Variants in PPIL4 observed in about 807,000 individuals in gnomAD.
PPIL4 encodes peptidyl-prolyl cis-trans isomerase-like 4.
In PPIL4, 50 loss-of-function variants were observed where a neutral mutation model predicts 69.1. The ratio of observed to expected loss-of-function variants is 0.72; its 90% confidence interval spans 0.58 to 0.92. The LOEUF (loss-of-function observed/expected upper bound fraction) is 0.92, where lower values mean the gene tolerates loss of function less well. PPIL4 is among the 40% of genes least tolerant of loss of function. The pLI, the probability that PPIL4 is intolerant of heterozygous loss-of-function variation, is 0.00. For synonymous variants in PPIL4, 193 were observed against 191.6 expected (o/e 1.01, Z -0.06); for missense variants, 480 against 587.9 (o/e 0.82, Z 1.90).
chr6:149,544,901 C>T (rs1229695897), intron 1 of PPIL4, among the ~76,000 whole-genome samples: 1 of 152,128 alleles, frequency 6.6e-6, no homozygotes, highest in Non-Finnish European at 1.5e-5. Context: ...CTCTGCATTC[C>T]ATGTGGGTAG....
At chr6:149,539,385 T>C (rs74617598) in intron 4 of PPIL4, among the ~76,000 whole-genome samples, 4,652 of 151,554 alleles carry the variant, frequency 0.031, 115 homozygotes, top group Non-Finnish European at 0.043. Context: ...TGTTGTCTTA[T>C]TTATTTATTT....
intron 1 of PPIL4, among the ~76,000 whole-genome samples, chr6:149,541,800 A>C (rs1157214925): frequency 6.6e-6 from 1 of 152,204 alleles, no homozygotes; most frequent in Non-Finnish European, 1.5e-5. Flanking sequence ...ACTTGAAGTC[A>C]GGAGTTTGAG....
At chr6:149,543,190 G>A (rs1461684649) in intron 1 of PPIL4, among the ~76,000 whole-genome samples, 1 of 152,118 alleles carries the variant, frequency 6.6e-6, no homozygotes, top group Non-Finnish European at 1.5e-5. Flanking sequence ...ATGTGATGCA[G>A]CTGAAAGTAC....
chr6:149,521,812 T>C (rs1051040861), intron 9 of PPIL4, among the ~76,000 whole-genome samples: 5 of 152,228 alleles, frequency 3.3e-5, no homozygotes, highest in African/African-American at 9.6e-5. Context: ...GGGTTTTAGA[T>C]AATGAACTGT....
chr6:149,536,291 C>G (rs925970409), intron 4 of PPIL4, among the ~76,000 whole-genome samples: 2 of 152,054 alleles, frequency 1.3e-5, no homozygotes. Context: ...ATTAACCCTA[C>G]AAGAGACTCT....
intron 9 of PPIL4, among the ~76,000 whole-genome samples, chr6:149,524,043 A>G (rs1344733179): frequency 6.6e-6 from 1 of 152,230 alleles, no homozygotes; most frequent in African/African-American, 2.4e-5. Flanking sequence ...TATTCCATAA[A>G]TGCTTTGTAA....
At chr6:149,522,546 G>C (rs139127587) in intron 9 of PPIL4, among the ~76,000 whole-genome samples, 5 of 152,220 alleles carry the variant, frequency 3.3e-5, no homozygotes, top group African/African-American at 1.2e-4. Flanking sequence ...CAGAGCTGTG[G>C]GGCAGGACAA....
At chr6:149,534,990 G>A (rs1777253169) in intron 5 of PPIL4, among the ~76,000 whole-genome samples, 1 of 152,150 alleles carries the variant, frequency 6.6e-6, no homozygotes, top group South Asian at 2.1e-4. Context: ...ACTTTAAGAT[G>A]TAAACTAATA....
intron 6 of PPIL4, 49 bp from the exon 7 acceptor site, chr6:149,533,623 C>G: frequency 9.5e-7 from 1 of 1,058,052 alleles, no homozygotes. Flanking sequence ...ATAAAAAAAT[C>G]TGAGAAACAT....
intron 11 of PPIL4, among the ~76,000 whole-genome samples, chr6:149,515,557 C>T (rs907233443): frequency 5.3e-5 from 8 of 152,116 alleles, no homozygotes; most frequent in African/African-American, 1.9e-4. Flanking sequence ...TATTTAATGT[C>T]TGGTTTTTTT....
In PPIL4 at chr6:149,505,612, G is replaced by C; in HGVS notation, c.1320C>G (p.Asn440Lys). Reference sequence around the variant, plus strand: ...TCTCTCGAGATCGGCTACGACTTCGGTTCTGAGTTCGGTCTCTCTTTTCAC... The same window carrying C: ...TCTCTCGAGATCGGCTACGACTTCGCTTCTGAGTTCGGTCTCTCTTTTCAC... ...QKSEKRDRTQ[N>K]RSRSRSRERD... The change falls in exon 13 of 13, where the codon AAC becomes AAG. Residue 440 changes from asparagine to lysine, a missense_variant. Physicochemically the swap from Asn to Lys is moderately conservative, Grantham distance 94. Transcript: ENST00000253329. The C allele has an allele frequency of 1.9e-6, 3 of 1,614,048 alleles. No homozygotes were observed. The highest frequency in any genetic ancestry group is 2.5e-6 in the Non-Finnish European group (3 of 1,180,014).
intron 7 of PPIL4, 70 bp from the exon 8 acceptor site, chr6:149,526,846 C>A: frequency 7.0e-7 from 1 of 1,424,170 alleles, no homozygotes; most frequent in South Asian, 1.2e-5. Flanking sequence ...TATCCAATCC[C>A]ACAATGCTGA....
chr6:149,538,437 G>C, intron 4 of PPIL4, among the ~76,000 whole-genome samples: 1 of 152,014 alleles, frequency 6.6e-6, no homozygotes, highest in East Asian at 1.9e-4. Flanking sequence ...GATCACTTGA[G>C]CAACGTAGTG....
At chr6:149,524,965 G>A (rs1229615763) in intron 9 of PPIL4, among the ~76,000 whole-genome samples, 178 bp downstream of exon 9, 1 of 151,792 alleles carries the variant, frequency 6.6e-6, no homozygotes. Flanking sequence ...GTAAAAGTAC[G>A]TATGTTAACA....
chr6:149,505,557 AT>A lies in PPIL4; in HGVS notation c.1374del (p.Lys458AsnfsTer38). The A allele has an allele frequency of 6.2e-7, 1 of 1,613,826 alleles. No individual in the cohort carries two copies. The highest frequency in any genetic ancestry group is 1.3e-5 in the African/African-American group (1 of 74,928). On this transcript the variant is annotated frameshift_variant, in exon 13 of 13. Transcript: ENST00000253329. LOFTEE classifies it high-confidence loss of function. Reference sequence around the variant, plus strand: ...TCATAAAGATCTGTTTGGTATTTTGATTTATGACTATTACTATAATGGCCAT... The same window carrying A: ...TCATAAAGATCTGTTTGGTATTTTGATTATGACTATTACTATAATGGCCAT... ...ERDGHYSNSHKSKYQTDLYER... is the reference protein window; with the variant it reads ...ERDGHYSNSHXSKYQTDLYER...
At chr6:149,538,660 A>G (rs1480632972) in intron 4 of PPIL4, among the ~76,000 whole-genome samples, 2 of 152,126 alleles carry the variant, frequency 1.3e-5, no homozygotes, top group South Asian at 2.1e-4. Flanking sequence ...GTAGATTCCA[A>G]CCCTCATGGA....
At chr6:149,511,628 C>T (rs1274719615) in intron 12 of PPIL4, among the ~76,000 whole-genome samples, 3 of 152,098 alleles carry the variant, frequency 2.0e-5, no homozygotes, top group Admixed American at 6.6e-5. Flanking sequence ...GAAATAATCA[C>T]TTTTCTTCAC....
Position 149,505,558 on chromosome 6 carries a change from T to C in PPIL4, c.1374A>G (p.Lys458=), listed in dbSNP as rs1776756868. ...ERDGHYSNSH[K]SKYQTDLYER... The stretch of plus-strand genomic sequence containing the variant: ...CATAAAGATCTGTTTGGTATTTTGA[T>C]TTATGACTATTACTATAATGGCCAT... Residue 458 remains lysine (K), a synonymous_variant, in exon 13 of 13, where the codon AAA becomes AAG. Transcript: ENST00000253329. The C allele has an allele frequency of 1.9e-6, 3 of 1,614,170 alleles. No individual in the cohort carries two copies. The highest frequency in any genetic ancestry group is 1.6e-4 in the Middle Eastern group (1 of 6,062).
At chr6:149,513,401 AAAAAAAAAAAAAT>A (rs1776887831) in intron 11 of PPIL4, among the ~76,000 whole-genome samples, 1 of 106,192 alleles carries the variant, frequency 9.4e-6, no homozygotes, top group Non-Finnish European at 1.9e-5. Flanking sequence ...AAAAAAAAAA[AAAAAAAAAAAAAT>A]ATATATATAT....
Sources: allele counts gnomAD v4.1 joint callset (sites outside exome capture counted in the v4.1 genomes callset), GRCh38; gene constraint gnomAD v4.1.1; transcripts MANE v1.5; gene names NCBI Gene and HGNC (gene_info 2026-07-23, HGNC 2026-07-21).